ANKRD26: variants seen among roughly 807,000 people sequenced by gnomAD.
ANKRD26 encodes ankyrin repeat domain-containing protein 26.
Under a neutral mutation model 208.7 loss-of-function variants are expected in ANKRD26, and 141 were observed. That is an observed-to-expected ratio of 0.68 (90% CI 0.59 to 0.78). ANKRD26 has a LOEUF of 0.78. Ranked by LOEUF, ANKRD26 falls within the 30% of genes least tolerant of loss-of-function variation. The pLI is 0.00. For missense variants in ANKRD26, 1,889 were observed against 1,938.7 expected (o/e 0.97, Z 0.48); for synonymous variants, 636 against 660.4 (o/e 0.96, Z 0.57).
chr10:27,061,833 G>A (rs775314117), intron 12 of ANKRD26: 11 of 752,630 alleles, frequency 1.5e-5, no homozygotes, highest in Admixed American at 1.3e-4. Flanking sequence ...CCAAAGTGCT[G>A]AGTGACAGGC....
At chr10:26,986,231 G>T (rs2052384848) in intron 3 of ANKRD26, among the ~76,000 whole-genome samples, 1 of 152,168 alleles carries the variant, frequency 6.6e-6, no homozygotes, top group Non-Finnish European at 1.5e-5. Context: ...GCCATATGTA[G>T]AAAGCTGAAA....
chr10:27,035,482 A>C lies in ANKRD26; in HGVS notation c.2968T>G (p.Ser990Ala). The C allele has an allele frequency of 6.2e-7, 1 of 1,613,898 alleles. No homozygotes were observed. The highest frequency in any genetic ancestry group is 8.5e-7 in the Non-Finnish European group (1 of 1,179,910). ...VLTAENAMLN[S>A]KLENEKQSKE... Reference sequence around the variant, plus strand: ...CTTTGCTTTTCATTCTCCAGTTTAGAATTTAGCATTGCATTCTCAGCTGTC... The same window carrying C: ...CTTTGCTTTTCATTCTCCAGTTTAGCATTTAGCATTGCATTCTCAGCTGTC... The change falls in exon 24 of 34, where the codon TCT (serine) becomes GCT (alanine). Residue 990 changes from serine (S) to alanine (A), a missense_variant. Coordinates refer to ENST00000376087, the MANE Select transcript of ANKRD26 (RefSeq NM_014915.3).
chr10:27,047,023 A>G (rs904701808), intron 17 of ANKRD26, among the ~76,000 whole-genome samples: 9 of 152,200 alleles, frequency 5.9e-5, no homozygotes, highest in African/African-American at 2.2e-4. Flanking sequence ...GGTGAATGCT[A>G]CACTAAACTT....
chr10:27,051,979 C>G (rs1045525311), intron 16 of ANKRD26: 1 of 985,374 alleles, frequency 1.0e-6, no homozygotes, highest in Non-Finnish European at 1.2e-6. Context: ...TCATTTTGCA[C>G]ACAAGGAAGT....
At chr10:27,061,008 G>C in intron 13 of ANKRD26, 136 bp downstream of exon 13, 1 of 716,262 alleles carries the variant, frequency 1.4e-6, no homozygotes, top group Non-Finnish European at 2.5e-6. Flanking sequence ...CTGTAATTTA[G>C]GAAGCACACA....
In ANKRD26 at chr10:27,061,190, A is replaced by G. The variant is rs759795386; in HGVS notation, c.1416T>C (p.Ala472=). 1.2e-6 allele frequency: 2 copies of G among 1,612,874 alleles called. No individual in the cohort carries two copies. Among genetic ancestry groups the G allele is most frequent in the South Asian group, 1.1e-5 (1 of 91,064 alleles). Reference sequence around the variant, plus strand: ...CTACATTTCTTGTATCCTCTAGTTTAGCCATCTTAAAGTTTCTTGATCCAC... The same window carrying G: ...CTACATTTCTTGTATCCTCTAGTTTGGCCATCTTAAAGTTTCTTGATCCAC... ...CMSGSRNFKM[A]KLEDTRNVGM... The change falls in exon 13 of 34, where the codon GCT becomes GCC. Residue 472 remains alanine (A), a synonymous_variant. Coordinates refer to ENST00000376087, the MANE Select transcript of ANKRD26 (RefSeq NM_014915.3).
At chr10:27,069,013 A>G (rs2055373462) in intron 9 of ANKRD26, among the ~76,000 whole-genome samples, 1 of 151,814 alleles carries the variant, frequency 6.6e-6, no homozygotes, top group South Asian at 2.1e-4. Flanking sequence ...GGCCAATATG[A>G]TGGAACCCTG....
intron 5 of ANKRD26, among the ~76,000 whole-genome samples, chr10:26,994,486 G>A (rs1260583963): frequency 6.6e-6 from 1 of 152,154 alleles, no homozygotes; most frequent in East Asian, 1.9e-4. Context: ...TGCAGAGACA[G>A]GTATCCCCCT....
At chr10:27,075,004 G>A (rs2055645223) in intron 9 of ANKRD26, among the ~76,000 whole-genome samples, 2 of 151,870 alleles carry the variant, frequency 1.3e-5, no homozygotes, top group Admixed American at 1.3e-4. Context: ...CATAAATGAA[G>A]GAAAAATAAA....
At chr10:27,072,733 C>T (rs1042388222) in intron 9 of ANKRD26, among the ~76,000 whole-genome samples, 1 of 152,230 alleles carries the variant, frequency 6.6e-6, no homozygotes, top group African/African-American at 2.4e-5. Flanking sequence ...AACTTCTGTG[C>T]ATCTTCAGTT....
At chr10:26,976,418 T>C (rs545748930) in intron 5 of ANKRD26, among the ~76,000 whole-genome samples, 2 of 152,292 alleles carry the variant, frequency 1.3e-5, no homozygotes, top group African/African-American at 4.8e-5. Flanking sequence ...TTTTGCCATA[T>C]TGGCCAGGCT....
the ANKRD26 span, among the ~76,000 whole-genome samples, chr10:26,962,391 A>G: frequency 9.2e-5 from 14 of 152,030 alleles, no homozygotes; most frequent in Non-Finnish European, 1.9e-4. Flanking sequence ...CGGGGCCAAC[A>G]TGGTGAAACC....
At chr10:27,068,175 AGAG>A (rs2055335889) in intron 9 of ANKRD26, among the ~76,000 whole-genome samples, 1 of 152,204 alleles carries the variant, frequency 6.6e-6, no homozygotes, top group African/African-American at 2.4e-5. Flanking sequence ...GGGAGACACC[AGAG>A]GAGATAACTG....
At chr10:27,084,228 A>AAG (rs1194655181) in intron 5 of ANKRD26, among the ~76,000 whole-genome samples, 6 of 146,562 alleles carry the variant, frequency 4.1e-5, no homozygotes, top group African/African-American at 1.5e-4. Flanking sequence ...CAAAAAAAAA[A>AAG]AAAAAAAGAA....
intron 17 of ANKRD26, among the ~76,000 whole-genome samples, chr10:27,047,739 A>AATAATAATAATTATT (rs1356208709): frequency 6.1e-5 from 3 of 49,282 alleles, no homozygotes; most frequent in African/African-American, 1.1e-4. Context: ...TAATAATAAT[A>AATAATAATAATTATT]ATTATTATTA....
chr10:27,044,127 AT>A, intron 19 of ANKRD26, 29 bp downstream of exon 19: 1 of 1,288,632 alleles, frequency 7.8e-7, no homozygotes, highest in South Asian at 1.7e-5. Flanking sequence ...TTTTTAAACA[AT>A]AATTTTGATA....
At position 27,004,957 on chromosome 10, in the gene ANKRD26, G is replaced by A. The variant is rs1318779495; in HGVS notation, c.*633C>T. ...GGAATGCCCACTAAAGTAATCAGGG[G>A]TGATGACATAATGTCAGCAATTTAC... is the stretch of plus-strand genomic sequence containing the variant. On this transcript the variant is annotated 3_prime_UTR_variant, in exon 34 of 34. Coordinates refer to ENST00000376087, the MANE Select transcript of ANKRD26 (RefSeq NM_014915.3). 1 of 785,128 alleles carries A rather than the reference G, an allele frequency of 1.3e-6. No individual in the cohort carries two copies. The highest frequency in any genetic ancestry group is 1.3e-4 in the East Asian group (1 of 7,912). The allele number at this position is 785,128 out of a possible 1,614,324, so 48.6% of individuals were successfully genotyped here. A position where few individuals can be genotyped will look rare whatever the true frequency, so the allele number is the denominator to read the frequency against.
downstream of ANKRD26, among the ~76,000 whole-genome samples, chr10:26,969,913 C>T (rs150370694): frequency 0.027 from 4,076 of 151,628 alleles, 79 homozygotes; most frequent in South Asian, 0.052. Context: ...CGGCTCACTG[C>T]AACCTCTGCC....
chr10:27,074,419 G>A (rs1435821547), intron 9 of ANKRD26, among the ~76,000 whole-genome samples: 7 of 152,310 alleles, frequency 4.6e-5, no homozygotes, highest in South Asian at 4.1e-4. Context: ...GGTGGCTCAC[G>A]GCTGCAATCC....
Sources: allele counts gnomAD v4.1 joint callset (sites outside exome capture counted in the v4.1 genomes callset), GRCh38; gene constraint gnomAD v4.1.1; transcripts MANE v1.5; gene names NCBI Gene and HGNC (gene_info 2026-07-23, HGNC 2026-07-21).